The following RBMS3 variants were observed in gnomAD, a reference collection of about 807,000 sequenced individuals.
RBMS3 encodes RNA binding motif single stranded interacting protein 3, also known as RNA-binding motif, single-stranded-interacting protein 3.
Under a neutral mutation model 66.8 loss-of-function variants are expected in RBMS3, and 27 were observed. That is an observed-to-expected ratio of 0.40 (90% CI 0.30 to 0.56). RBMS3 has a LOEUF of 0.56. Among genes scored for constraint, RBMS3 ranks in the 20% least tolerant of loss-of-function variants. The pLI is 0.40. For synonymous variants in RBMS3, 188 were observed against 183.0 expected, an observed-to-expected ratio of 1.03 and a Z score of -0.22; for missense variants, 513 against 549.5, an observed-to-expected ratio of 0.93 and a Z score of 0.66.
intron 3 of RBMS3, among the ~76,000 whole-genome samples, chr3:29,512,045 T>C (rs2044433932): frequency 6.6e-6 from 1 of 152,120 alleles, no homozygotes; most frequent in Non-Finnish European, 1.5e-5. Context: ...TCAGAAACAC[T>C]AGGTGTTTCT....
intron 10 of RBMS3, among the ~76,000 whole-genome samples, chr3:29,919,751 G>T (rs947683556): frequency 6.6e-6 from 1 of 152,170 alleles, no homozygotes; most frequent in African/African-American, 2.4e-5. Context: ...CCATTTCCCT[G>T]TAAAATTATG....
chr3:29,890,824 A>G (rs1014045194), intron 8 of RBMS3, among the ~76,000 whole-genome samples: 1 of 151,612 alleles, frequency 6.6e-6, no homozygotes, highest in African/African-American at 2.4e-5. Context: ...AGTAGTGGGA[A>G]ATAGGGTGAG....
intron 12 of RBMS3, among the ~76,000 whole-genome samples, chr3:29,970,102 G>T (rs925307240): frequency 6.6e-6 from 1 of 152,048 alleles, no homozygotes; most frequent in Non-Finnish European, 1.5e-5. Flanking sequence ...AAATATAATT[G>T]GTTTTCAGTA....
At chr3:29,387,901 TCTC>T (rs1460519789) in intron 1 of RBMS3, among the ~76,000 whole-genome samples, 1 of 152,176 alleles carries the variant, frequency 6.6e-6, no homozygotes. Context: ...TACCTTCTTC[TCTC>T]CTAATTTACT....
chr3:29,871,409 CCCTT>C (rs1183711853), intron 7 of RBMS3, among the ~76,000 whole-genome samples: 1 of 151,874 alleles, frequency 6.6e-6, no homozygotes, highest in Non-Finnish European at 1.5e-5. Flanking sequence ...TTTGTTTGAC[CCCTT>C]CCTTCATTCA....
chr3:29,328,249 A>G (rs561179633), intron 1 of RBMS3, among the ~76,000 whole-genome samples: 1 of 152,344 alleles, frequency 6.6e-6, no homozygotes, highest in African/African-American at 2.4e-5. Context: ...TCTATTGAGC[A>G]CAAGAATATA....
intron 1 of RBMS3, among the ~76,000 whole-genome samples, chr3:29,374,116 C>T (rs1276821920): frequency 6.6e-6 from 1 of 152,142 alleles, no homozygotes; most frequent in Non-Finnish European, 1.5e-5. Flanking sequence ...GGGACTATAA[C>T]CATTTGACTT....
At chr3:29,415,737 G>A (rs534463982) in intron 1 of RBMS3, among the ~76,000 whole-genome samples, 1 of 152,136 alleles carries the variant, frequency 6.6e-6, no homozygotes, top group East Asian at 1.9e-4. Context: ...GCATAGGCAG[G>A]ACTTGGGGCC....
chr3:29,891,751 C>T (rs772222082), intron 8 of RBMS3, among the ~76,000 whole-genome samples: 1 of 151,326 alleles, frequency 6.6e-6, no homozygotes, highest in Non-Finnish European at 1.5e-5. Flanking sequence ...TTTATGTGGG[C>T]ATTTGGTATT....
intron 6 of RBMS3, among the ~76,000 whole-genome samples, chr3:29,785,932 C>A (rs1304515626): frequency 6.6e-6 from 1 of 151,856 alleles, no homozygotes; most frequent in African/African-American, 2.4e-5. Context: ...TGATCGTATA[C>A]CTAGAAAACC....
intron 5 of RBMS3, among the ~76,000 whole-genome samples, chr3:29,740,764 A>G (rs1263718651): frequency 6.6e-6 from 1 of 152,172 alleles, no homozygotes; most frequent in Admixed American, 6.5e-5. Context: ...ATCTAGGGCC[A>G]GGCAGGGTGG....
chr3:29,660,531 G>C (rs559593272), intron 4 of RBMS3, among the ~76,000 whole-genome samples: 9 of 152,136 alleles, frequency 5.9e-5, no homozygotes, highest in African/African-American at 2.2e-4. Flanking sequence ...CTGATACGGA[G>C]AGACTTACTT....
At chr3:29,470,943 T>G (rs1451893974) in intron 2 of RBMS3, among the ~76,000 whole-genome samples, 8 of 152,144 alleles carry the variant, frequency 5.3e-5, no homozygotes, top group Non-Finnish European at 1.2e-4. Context: ...ACTTAATGCC[T>G]GCTTGTTTGT....
intron 1 of RBMS3, among the ~76,000 whole-genome samples, chr3:29,431,882 C>T (rs2041221292): frequency 6.6e-6 from 1 of 152,018 alleles, no homozygotes; most frequent in African/African-American, 2.4e-5. Context: ...CATGGTACCA[C>T]ACCCAGCTAA....
chr3:29,365,161 A>T (rs1238771735), intron 1 of RBMS3, among the ~76,000 whole-genome samples: 1 of 152,144 alleles, frequency 6.6e-6, no homozygotes, highest in Non-Finnish European at 1.5e-5. Context: ...ATTGCATAAA[A>T]TTTCAATTTT....
At chr3:29,295,285 A>ATATATATATACATATATATC (rs370928775) in intron 1 of RBMS3, among the ~76,000 whole-genome samples, 2 of 50,500 alleles carry the variant, frequency 4.0e-5, no homozygotes, top group East Asian at 7.1e-4. Context: ...ATATATATAT[A>ATATATATATACATATATATC]TATATATATA....
At chr3:29,707,931 TAA>T (rs2052984044) in intron 4 of RBMS3, among the ~76,000 whole-genome samples, 1 of 152,208 alleles carries the variant, frequency 6.6e-6, no homozygotes, top group African/African-American at 2.4e-5. Context: ...GTTTTATTGT[TAA>T]GTTTCATCGA....
intron 3 of RBMS3, among the ~76,000 whole-genome samples, chr3:29,496,079 C>T (rs935390645): frequency 1.3e-5 from 2 of 151,776 alleles, no homozygotes; most frequent in African/African-American, 4.8e-5. Flanking sequence ...AGAATAATCA[C>T]CTCCACCAGG....
intron 1 of RBMS3, among the ~76,000 whole-genome samples, chr3:29,383,799 TCGTAAGTTTTCAGTGAC>T (rs1354028570): frequency 1.3e-5 from 2 of 152,152 alleles, no homozygotes; most frequent in Non-Finnish European, 2.9e-5. Flanking sequence ...TGATCCTGGA[TCGTAAGTTTTCAGTGAC>T]CGTAAGTTTT....
Sources: allele counts gnomAD v4.1 joint callset (sites outside exome capture counted in the v4.1 genomes callset), GRCh38; gene constraint gnomAD v4.1.1; transcripts MANE v1.5; gene names NCBI Gene and HGNC (gene_info 2026-07-23, HGNC 2026-07-21).